Variants in VSTM2A observed in about 807,000 individuals in gnomAD.
VSTM2A encodes the protein V-set and transmembrane domain-containing protein 2A.
VSTM2A carries 13 observed loss-of-function variants against 27.3 expected under a neutral mutation model. The ratio of observed to expected loss-of-function variants is 0.48; its 90% CI spans 0.31 to 0.76. The LOEUF (loss-of-function observed/expected upper bound fraction) is 0.76, where lower values mean the gene tolerates loss of function less well. Among genes scored for constraint, VSTM2A ranks in the 30% least tolerant of loss-of-function variants. VSTM2A has a pLI of 0.05. For synonymous variants in VSTM2A, 142 were observed against 125.7 expected (o/e 1.13, Z -0.87); for missense variants, 280 against 310.0 (o/e 0.90, Z 0.73).
intron 4 of VSTM2A, chr7:54,559,084 A>C (rs1788467827): frequency 6.6e-6 from 1 of 152,144 alleles, no homozygotes; most frequent in Admixed American, 6.5e-5. Flanking sequence ...GTCGTAATAG[A>C]GATATTAAAA....
rs1788870087 is a variant in VSTM2A, at chr7:54,570,775, C to T, written c.*1556C>T. The T allele has an allele frequency of 6.6e-6, 1 of 152,120 alleles. No homozygotes were observed. 9.4% of individuals were successfully genotyped at this position (152,120 alleles called of 1,614,324 possible). A position where few individuals can be genotyped will look rare whatever the true frequency, so the allele number is the denominator to read the frequency against. The stretch of plus-strand genomic sequence containing the variant: ...GACCTAAGTTTTCCTTCCAGAGAGA[C>T]TCTTCCATTTTCTCTCATTACAAAA... On this transcript the variant is annotated 3_prime_UTR_variant, in exon 5 of 5. Coordinates refer to ENST00000402613, the MANE Select transcript of VSTM2A (RefSeq NM_001301009.2).
intron 3 of VSTM2A, 97 bp from the exon 4 acceptor site, chr7:54,549,737 C>A: frequency 8.6e-7 from 1 of 1,164,986 alleles, no homozygotes; most frequent in Non-Finnish European, 1.2e-6. Context: ...GCCATTAAGA[C>A]CCTTTAACTT....
chr7:54,563,494 C>G (rs570478246), intron 4 of VSTM2A, among the ~76,000 whole-genome samples: 1 of 152,260 alleles, frequency 6.6e-6, no homozygotes, highest in East Asian at 1.9e-4. Context: ...TGAAAATGTG[C>G]TGTTTTCAGA....
At chr7:54,568,990 C>G (rs1301745572) in intron 4 of VSTM2A, 141 bp from the exon 5 acceptor site, 1 of 1,581,076 alleles carries the variant, frequency 6.3e-7, no homozygotes, top group Non-Finnish European at 8.6e-7. Context: ...GAGCGAATAT[C>G]TTATAACTTC....
At chr7:54,544,472 AG>A in intron 1 of VSTM2A, 149 bp from the exon 2 acceptor site, 1 of 908,370 alleles carries the variant, frequency 1.1e-6, no homozygotes, top group Non-Finnish European at 1.7e-6. Context: ...AGGCAAAGGA[AG>A]GGGGCTGGGG....
At chr7:54,542,833 A>G in intron 1 of VSTM2A, 24 bp downstream of exon 1, 2 of 1,594,626 alleles carry the variant, frequency 1.3e-6, no homozygotes, top group Non-Finnish European at 1.7e-6. Flanking sequence ...AATGGCAAAT[A>G]TACATTTGCT....
At chr7:54,550,411 A>T (rs1404058903) in intron 4 of VSTM2A, 1 of 1,156,508 alleles carries the variant, frequency 8.6e-7, no homozygotes, top group African/African-American at 1.5e-5. Flanking sequence ...TGAGAGCTGG[A>T]CTCTGGTTTT....
In VSTM2A at chr7:54,563,958, C is replaced by T. The variant is rs369954119; in HGVS notation, c.635-5173C>T. Among the ~76,000 whole-genome samples the T allele has an allele frequency of 8.5e-4, 129 of 152,276 alleles. No homozygotes were observed. The Middle Eastern group carries it at 0.01, about 12-fold the overall frequency. The stretch of plus-strand genomic sequence containing the variant: ...GGATAAAATCATTCTATTATTTGAC[C>T]TTTCCCCTTAAACAGTGATTTAGTA... On this transcript the variant is annotated intron_variant, in intron 4 of 4. Coordinates refer to ENST00000402613, the MANE Select transcript of VSTM2A (RefSeq NM_001301009.2).
Position 54,565,304 on chromosome 7 carries a change from A to T in VSTM2A, c.635-3827A>T, listed in dbSNP as rs146515155. ...TTTGCCACACAGGATTGTTGTGAGG[A>T]TTAACCAATATGATGGAGGCACAGT... On this transcript the variant is annotated intron_variant, in intron 4 of 4. Transcript: ENST00000402613. 6.8e-3 allele frequency among the ~76,000 whole-genome samples: 1,029 copies of T among 152,318 alleles called. 1 individual carries two copies. The highest frequency in any genetic ancestry group is 0.011 in the Non-Finnish European group (757 of 68,020).
chr7:54,553,723 G>C (rs916220643), intron 4 of VSTM2A: 18 of 1,149,724 alleles, frequency 1.6e-5, no homozygotes, highest in East Asian at 1.3e-4. Flanking sequence ...ACAACTGACT[G>C]TGGAAGTCCC....
Position 54,569,235 on chromosome 7 carries a change from G to C in VSTM2A, c.*16G>C. ...TGTACTCTAATTCACTACACAAGGA[G>C]CGCCTGCTTCCGGAAGCATAAATGA... is the stretch of plus-strand genomic sequence containing the variant. On this transcript the variant is annotated 3_prime_UTR_variant, in exon 5 of 5. Transcript: ENST00000402613. 5.8e-6 allele frequency: 9 copies of C among 1,551,546 alleles called. No homozygotes were observed. Among genetic ancestry groups the C allele is most frequent in the Non-Finnish European group, 7.8e-6 (9 of 1,146,914 alleles).
At chr7:54,544,827 G>C (rs944970647) in intron 2 of VSTM2A, 39 bp downstream of exon 2, 1 of 1,556,002 alleles carries the variant, frequency 6.4e-7, no homozygotes, top group Non-Finnish European at 8.7e-7. Context: ...CCCTTCGCTC[G>C]CCCGGTCCTC....
Position 54,542,648 on chromosome 7 carries a change from G to C in VSTM2A, c.-83G>C. ...GTGTCGCGCCCAGGGCTCTGAGACT[G>C]AGCCTGCCATCCACTCGCACGCCTT... On this transcript the variant is annotated 5_prime_UTR_variant, in exon 1 of 5. Coordinates refer to ENST00000402613, the MANE Select transcript of VSTM2A (RefSeq NM_001301009.2). 1 of 1,271,974 alleles carries C rather than the reference G, an allele frequency of 7.9e-7. No individual in the cohort carries two copies. The highest frequency in any genetic ancestry group is 1.1e-6 in the Non-Finnish European group (1 of 883,848). 78.8% of individuals were successfully genotyped at this position (1,271,974 alleles called of 1,614,324 possible).
At chr7:54,543,479 G>T (rs114506041) in intron 1 of VSTM2A, among the ~76,000 whole-genome samples, 1 of 152,048 alleles carries the variant, frequency 6.6e-6, no homozygotes, top group Non-Finnish European at 1.5e-5. Context: ...GCCCTTTTCC[G>T]ATCAGAATGT....
intron 4 of VSTM2A, among the ~76,000 whole-genome samples, chr7:54,560,410 A>T (rs930841329): frequency 6.6e-6 from 1 of 152,162 alleles, no homozygotes; most frequent in African/African-American, 2.4e-5. Context: ...ATTCATATTG[A>T]TTAAATAAAT....
chr7:54,549,825 A>G lies in VSTM2A; in HGVS notation c.298-9A>G. ...CACTTTATTGTTTTTTTTACCTGCA[A>G]TTTTTCAGACAGTGAAAGTCCAAGG... On this transcript the variant is annotated splice_polypyrimidine_tract_variant and intron_variant, in intron 3 of 4. Transcript: ENST00000402613. 1 of 1,563,248 alleles carries G rather than the reference A, an allele frequency of 6.4e-7. No homozygotes were observed. The highest frequency in any genetic ancestry group is 1.2e-5 in the South Asian group (1 of 83,352).
intron 4 of VSTM2A, among the ~76,000 whole-genome samples, chr7:54,561,342 C>T (rs1227010498): frequency 6.6e-6 from 1 of 151,912 alleles, no homozygotes. Flanking sequence ...AATACCACTG[C>T]TAAGAATATA....
chr7:54,544,653 G>A lies in VSTM2A; in HGVS notation c.111G>A (p.Thr37=), dbSNP rs759261348. The A allele has an allele frequency of 3.1e-6, 5 of 1,612,968 alleles. No individual in the cohort carries two copies. Among genetic ancestry groups the A allele is most frequent in the Admixed American group, 1.7e-5 (1 of 60,032 alleles). The change falls in exon 2 of 5, where the codon ACG becomes ACA. Residue 37 remains threonine, a synonymous_variant. Coordinates refer to ENST00000402613, the MANE Select transcript of VSTM2A (RefSeq NM_001301009.2). ...TTACCGAGTTTCCGCGGAACGTGAC[G>A]GCGACCGAGGGGCAGAATGTGGAGA... The part of the protein sequence containing the change: ...AKFTEFPRNV[T]ATEGQNVEMS...
intron 4 of VSTM2A, chr7:54,553,835 A>G (rs2115843127): frequency 6.4e-7 from 1 of 1,550,848 alleles, no homozygotes; most frequent in Non-Finnish European, 8.7e-7. Context: ...ATACTAAGTC[A>G]TTCTCTACTT....
Sources: allele counts gnomAD v4.1 joint callset (sites outside exome capture counted in the v4.1 genomes callset), GRCh38; gene constraint gnomAD v4.1.1; transcripts MANE v1.5; gene names NCBI Gene and HGNC (gene_info 2026-07-23, HGNC 2026-07-21).